The following ZBTB20 variants were observed in gnomAD, a reference collection of about 807,000 sequenced individuals.
The protein encoded by ZBTB20 is zinc finger and BTB domain containing 20.
In ZBTB20, 9 loss-of-function variants were observed where a neutral mutation model predicts 56.9. The ratio of observed to expected loss-of-function variants is 0.16; its 90% CI spans 0.10 to 0.28. ZBTB20 has a LOEUF of 0.28. Among genes scored for constraint, ZBTB20 ranks in the 10% least tolerant of loss-of-function variants. The pLI is 1.00. For missense variants in ZBTB20, 655 were observed against 1,003.0 expected, an observed-to-expected ratio of 0.65 and a Z score of 4.69; for synonymous variants, 417 against 420.7, an observed-to-expected ratio of 0.99 and a Z score of 0.11.
intron 7 of ZBTB20, among the ~76,000 whole-genome samples, chr3:114,417,671 A>C (rs577483044): frequency 5.9e-5 from 9 of 152,100 alleles, no homozygotes; most frequent in African/African-American, 2.2e-4. Context: ...GCTCTTAGTG[A>C]TCAGGACAGC....
chr3:114,829,595 T>G (rs1170451813), intron 4 of ZBTB20, among the ~76,000 whole-genome samples: 1 of 151,924 alleles, frequency 6.6e-6, no homozygotes, highest in Non-Finnish European at 1.5e-5. Flanking sequence ...ATTTTTCTAT[T>G]GGAGAGAATG....
intron 1 of ZBTB20, among the ~76,000 whole-genome samples, chr3:115,145,065 C>G (rs545082035): frequency 6.6e-6 from 1 of 152,238 alleles, no homozygotes; most frequent in East Asian, 1.9e-4. Flanking sequence ...AAATCAAAAC[C>G]CCAATCTTGA....
chr3:114,349,631 A>G (rs984611145), intron 11 of ZBTB20, among the ~76,000 whole-genome samples: 3 of 152,230 alleles, frequency 2.0e-5, no homozygotes, highest in Non-Finnish European at 4.4e-5. Flanking sequence ...TCCTGATAGC[A>G]TCCAATCATT....
At chr3:114,925,113 AG>A in intron 3 of ZBTB20, among the ~76,000 whole-genome samples, 1 of 149,822 alleles carries the variant, frequency 6.7e-6, no homozygotes, top group African/African-American at 2.5e-5. Context: ...CCTCCCTAGT[AG>A]CTGGAATTAC....
chr3:114,654,972 C>T (rs1021598937), intron 6 of ZBTB20, among the ~76,000 whole-genome samples: 2 of 152,050 alleles, frequency 1.3e-5, no homozygotes, highest in African/African-American at 4.8e-5. Context: ...CTTTCTCATG[C>T]TTATTGTTTG....
chr3:114,810,406 A>G (rs1356326558), intron 4 of ZBTB20, among the ~76,000 whole-genome samples: 1 of 151,954 alleles, frequency 6.6e-6, no homozygotes, highest in Admixed American at 6.6e-5. Context: ...CACTGTTTTG[A>G]CCACACCTAA....
intron 5 of ZBTB20, among the ~76,000 whole-genome samples, chr3:114,796,677 G>C (rs1441381319): frequency 1.3e-5 from 2 of 151,864 alleles, no homozygotes; most frequent in Non-Finnish European, 2.9e-5. Flanking sequence ...GAGGAGGAAA[G>C]AATGATATAT....
At chr3:114,392,662 T>C (rs2085985135) in intron 7 of ZBTB20, among the ~76,000 whole-genome samples, 1 of 152,248 alleles carries the variant, frequency 6.6e-6, no homozygotes, top group Non-Finnish European at 1.5e-5. Context: ...ACTCATTCTC[T>C]AGGTTTGTTT....
chr3:115,145,842 G>A (rs527934486), intron 1 of ZBTB20, among the ~76,000 whole-genome samples: 80 of 152,156 alleles, frequency 5.3e-4, no homozygotes, highest in Non-Finnish European at 9.3e-4. Flanking sequence ...TTTATAAAAT[G>A]GTAATTGTGT....
intron 7 of ZBTB20, among the ~76,000 whole-genome samples, chr3:114,453,220 T>G (rs976147984): frequency 1.3e-5 from 2 of 152,174 alleles, no homozygotes; most frequent in African/African-American, 4.8e-5. Flanking sequence ...CAAAGCTACG[T>G]GGCAATCAGA....
At position 114,323,407 on chromosome 3, in the gene ZBTB20, C is replaced by T. The variant is rs2078962769; in HGVS notation, c.*15598G>A. 1 of 152,160 alleles carries T rather than the reference C, an allele frequency of 6.6e-6. No individual in the cohort carries two copies. Among genetic ancestry groups the T allele is most frequent in the Non-Finnish European group, 1.5e-5 (1 of 68,030 alleles). 9.4% of individuals were successfully genotyped at this position (152,160 alleles called of 1,614,324 possible). ...TATCTGTCATCTTAAAGGACTTTACCACATGCATAGCCTTCCTCTTTGGTT... is the reference window on the plus strand; with the variant it reads ...TATCTGTCATCTTAAAGGACTTTACTACATGCATAGCCTTCCTCTTTGGTT... On this transcript the variant is annotated 3_prime_UTR_variant, in exon 12 of 12. Coordinates refer to ENST00000675478, the MANE Select transcript of ZBTB20 (RefSeq NM_001348800.3).
chr3:114,588,908 CCT>C (rs2055458918), intron 6 of ZBTB20, among the ~76,000 whole-genome samples: 1 of 152,100 alleles, frequency 6.6e-6, no homozygotes, highest in South Asian at 2.1e-4. Flanking sequence ...GCTGGGGAAG[CCT>C]CAGGAAACTT....
At chr3:114,887,437 T>C (rs1480824005) in intron 4 of ZBTB20, among the ~76,000 whole-genome samples, 2 of 152,018 alleles carry the variant, frequency 1.3e-5, no homozygotes, top group Non-Finnish European at 1.5e-5. Flanking sequence ...TGCAACTAAT[T>C]AAGAACCATG....
intron 6 of ZBTB20, among the ~76,000 whole-genome samples, chr3:114,641,395 G>A (rs2059550830): frequency 6.6e-6 from 1 of 151,756 alleles, no homozygotes; most frequent in African/African-American, 2.4e-5. Context: ...AAGTACAAAA[G>A]TATTGTGAAC....
intron 7 of ZBTB20, among the ~76,000 whole-genome samples, chr3:114,496,704 C>T (rs947902790): frequency 1.3e-5 from 2 of 152,160 alleles, no homozygotes; most frequent in African/African-American, 4.8e-5. Context: ...AATGAATACA[C>T]TGAATTGTTT....
At chr3:114,812,630 T>C (rs1387461871) in intron 4 of ZBTB20, among the ~76,000 whole-genome samples, 1 of 152,202 alleles carries the variant, frequency 6.6e-6, no homozygotes, top group Non-Finnish European at 1.5e-5. Context: ...CCCAGCTGGC[T>C]TCACCCAGTG....
intron 7 of ZBTB20, among the ~76,000 whole-genome samples, chr3:114,473,648 T>C (rs2040404330): frequency 1.3e-5 from 2 of 151,908 alleles, no homozygotes; most frequent in South Asian, 4.2e-4. Context: ...TGGGGCAACA[T>C]GGTGAGACCC....
At chr3:114,465,439 G>C (rs554749001) in intron 7 of ZBTB20, among the ~76,000 whole-genome samples, 14 of 152,284 alleles carry the variant, frequency 9.2e-5, no homozygotes, top group East Asian at 1.9e-4. Context: ...AGGTGCGGTG[G>C]CTCATGCCTG....
At chr3:114,696,730 G>A (rs1023543882) in intron 5 of ZBTB20, among the ~76,000 whole-genome samples, 9 of 151,990 alleles carry the variant, frequency 5.9e-5, no homozygotes, top group African/African-American at 1.9e-4. Flanking sequence ...CCCACTTAAG[G>A]TGGAAAGGGA....
Sources: gnomAD v4.1 joint callset for allele counts (sites outside exome capture counted in the v4.1 genomes callset) on GRCh38, gnomAD v4.1.1 for gene constraint, MANE v1.5 for transcripts, NCBI Gene and HGNC (gene_info 2026-07-23, HGNC 2026-07-21) for gene names.